CACNA2D2: variants seen among roughly 807,000 people sequenced by gnomAD.
CACNA2D2 encodes the protein voltage-dependent calcium channel subunit alpha-2/delta-2.
In CACNA2D2, 48 loss-of-function variants were observed where a neutral mutation model predicts 166.4. The observed-to-expected ratio is 0.29, with a 90% CI of 0.23 to 0.37. The LOEUF is 0.37. Among genes scored for constraint, CACNA2D2 ranks in the 10% least tolerant of loss-of-function variants. CACNA2D2 has a pLI of 1.00. For synonymous variants in CACNA2D2, 561 were observed against 573.7 expected (o/e 0.98, Z 0.32); for missense variants, 1,122 against 1,433.0 (o/e 0.78, Z 3.50).
At chr3:50,387,641 A>G in intron 4 of CACNA2D2, 29 bp from the exon 5 acceptor site, 1 of 1,591,390 alleles carries the variant, frequency 6.3e-7, no homozygotes, top group Non-Finnish European at 8.6e-7. Flanking sequence ...CCTCAGCACT[A>G]GCTGCTCAGG....
chr3:50,420,515 TTGGGCCACATA>T (rs1440683271), intron 3 of CACNA2D2, among the ~76,000 whole-genome samples: 1 of 150,986 alleles, frequency 6.6e-6, no homozygotes, highest in Non-Finnish European at 1.5e-5. Flanking sequence ...GGGCCAAGGC[TTGGGCCACATA>T]TGACCCACTG....
chr3:50,378,264 G>C lies in CACNA2D2; in HGVS notation c.1389+20C>G, dbSNP rs1361443669. ...GCAGGGAAGCCAGGGGCTGGGAGGAGGGGCCTCCCCAAGTCTCACCTGTGT... is the reference window on the plus strand; with the variant it reads ...GCAGGGAAGCCAGGGGCTGGGAGGACGGGCCTCCCCAAGTCTCACCTGTGT... On this transcript the variant is annotated intron_variant, in intron 14 of 37. Transcript: ENST00000424201. The C allele has an allele frequency of 6.4e-7, 1 of 1,554,292 alleles. No individual in the cohort carries two copies. Among genetic ancestry groups the C allele is most frequent in the Non-Finnish European group, 8.7e-7 (1 of 1,148,594 alleles).
chr3:50,383,605 G>A lies in CACNA2D2; in HGVS notation c.652+591C>T, dbSNP rs587655682. On this transcript the variant is annotated intron_variant, in intron 6 of 37. Coordinates refer to ENST00000424201, the MANE Select transcript of CACNA2D2 (RefSeq NM_006030.4). ...CATTGTGTAAAGCTGCCTTGTCCCT[G>A]AAGCTTGGACTGTCAACCACCCTCT... 3.3e-5 allele frequency among the ~76,000 whole-genome samples: 5 copies of A among 152,262 alleles called. No individual in the cohort carries two copies. In the South Asian group the frequency reaches 1.0e-3, roughly 32 times the overall value.
chr3:50,382,202 G>T (rs1437516306), intron 6 of CACNA2D2, among the ~76,000 whole-genome samples: 4 of 152,242 alleles, frequency 2.6e-5, no homozygotes, highest in African/African-American at 9.6e-5. Flanking sequence ...AAAACGGCAG[G>T]AGTGGGACAC....
At chr3:50,493,230 G>A (rs1221424548) in intron 1 of CACNA2D2, among the ~76,000 whole-genome samples, 1 of 152,130 alleles carries the variant, frequency 6.6e-6, no homozygotes, top group Non-Finnish European at 1.5e-5. Context: ...TCCAGCCCAA[G>A]GTGACCCCAT....
chr3:50,480,664 G>A (rs1011430789), intron 1 of CACNA2D2, among the ~76,000 whole-genome samples: 3 of 150,730 alleles, frequency 2.0e-5, no homozygotes, highest in South Asian at 2.1e-4. Context: ...TCATCTGTGC[G>A]TGGGGTGAGA....
intron 14 of CACNA2D2, 71 bp from the exon 15 acceptor site, chr3:50,378,168 T>G: frequency 1.3e-6 from 2 of 1,580,688 alleles, no homozygotes; most frequent in South Asian, 2.2e-5. Flanking sequence ...TCGCCAGGCA[T>G]TGGGATTGTG....
intron 3 of CACNA2D2, among the ~76,000 whole-genome samples, chr3:50,397,479 G>A (rs1340564771): frequency 2.0e-5 from 3 of 152,130 alleles, no homozygotes; most frequent in African/African-American, 7.2e-5. Flanking sequence ...TGTGCATGAG[G>A]GGCCCTGAGC....
At chr3:50,387,474 G>A in intron 5 of CACNA2D2, 94 bp downstream of exon 5, 1 of 1,053,790 alleles carries the variant, frequency 9.5e-7, no homozygotes, top group Middle Eastern at 2.0e-4. Flanking sequence ...GCAGGGTTGA[G>A]CTCAGAATGT....
intron 3 of CACNA2D2, among the ~76,000 whole-genome samples, chr3:50,421,703 C>T (rs1033608859): frequency 4.6e-5 from 7 of 152,126 alleles, no homozygotes; most frequent in South Asian, 2.1e-4. Context: ...AGCAGGGCCA[C>T]GAGGCCTCCA....
At chr3:50,386,170 C>T (rs587708850) in intron 5 of CACNA2D2, among the ~76,000 whole-genome samples, 17 of 152,302 alleles carry the variant, frequency 1.1e-4, no homozygotes, top group African/African-American at 3.6e-4. Context: ...GCTCTCTTTT[C>T]GGGCAATCTC....
At chr3:50,446,816 C>G (rs1708869398) in intron 2 of CACNA2D2, among the ~76,000 whole-genome samples, 1 of 152,166 alleles carries the variant, frequency 6.6e-6, no homozygotes, top group Non-Finnish European at 1.5e-5. Context: ...GGAGGGAGAG[C>G]CAAGGACAGT....
intron 3 of CACNA2D2, among the ~76,000 whole-genome samples, chr3:50,424,308 C>A (rs1340785110): frequency 1.3e-5 from 2 of 152,132 alleles, no homozygotes; most frequent in African/African-American, 4.8e-5. Context: ...GGGATGTGGT[C>A]CCTGGATGGG....
intron 2 of CACNA2D2, among the ~76,000 whole-genome samples, chr3:50,436,149 T>G (rs1164240036): frequency 2.7e-5 from 4 of 146,210 alleles, no homozygotes; most frequent in African/African-American, 5.1e-5. Flanking sequence ...CCCCATCAGC[T>G]TTCACCCATC....
intron 3 of CACNA2D2, among the ~76,000 whole-genome samples, chr3:50,403,208 G>A (rs1706534112): frequency 6.6e-6 from 1 of 152,124 alleles, no homozygotes. Context: ...GTGAGGATGT[G>A]GATGGAGAGC....
chr3:50,367,295 T>C lies in CACNA2D2; in HGVS notation c.2401+99A>G. On this transcript the variant is annotated intron_variant, in intron 27 of 37. Transcript: ENST00000424201. The surrounding 1 kb of genome is among the most constrained non-coding windows in gnomAD (Gnocchi z 6.5). Reference sequence around the variant, plus strand: ...TGCCCTGGCCTCAGCCAGCCTTGTGTTGGAGAGGGGCCTCAGACAGCAGAG... The same window carrying C: ...TGCCCTGGCCTCAGCCAGCCTTGTGCTGGAGAGGGGCCTCAGACAGCAGAG... 1 of 1,192,186 alleles carries C rather than the reference T, an allele frequency of 8.4e-7. No individual in the cohort carries two copies. The highest frequency in any genetic ancestry group is 1.3e-5 in the South Asian group (1 of 79,056). 73.9% of individuals were successfully genotyped at this position (1,192,186 alleles called of 1,614,324 possible).
chr3:50,414,962 C>T (rs1056918249), intron 3 of CACNA2D2, among the ~76,000 whole-genome samples: 9 of 152,182 alleles, frequency 5.9e-5, no homozygotes, highest in African/African-American at 1.9e-4. Flanking sequence ...TTGTAAGTGA[C>T]GCATGGCTTC....
At chr3:50,494,265 G>C (rs986582391) in intron 1 of CACNA2D2, among the ~76,000 whole-genome samples, 6 of 152,214 alleles carry the variant, frequency 3.9e-5, no homozygotes, top group African/African-American at 1.2e-4. Flanking sequence ...GGCGGGGGTG[G>C]GTTGTTTAGT....
In CACNA2D2 at chr3:50,367,632, G is replaced by A. The variant is rs1704400551; in HGVS notation, c.2297+10C>T. The stretch of plus-strand genomic sequence containing the variant: ...GGGGCAGGGTTTGGGTAGTGGGATA[G>A]GTCACTTACTTGTTGGGGAAGACTC... On this transcript the variant is annotated intron_variant, in intron 26 of 37. Transcript: ENST00000424201. The surrounding 1 kb of genome is among the most constrained non-coding windows in gnomAD (Gnocchi z 6.5). 6.2e-7 allele frequency: 1 copy of A among 1,611,436 alleles called. No individual in the cohort carries two copies. Among genetic ancestry groups the A allele is most frequent in the Non-Finnish European group, 8.5e-7 (1 of 1,178,084 alleles).
Sources: allele counts gnomAD v4.1 joint callset (sites outside exome capture counted in the v4.1 genomes callset), GRCh38; gene constraint gnomAD v4.1.1; non-coding constraint Gnocchi (gnomAD v3.1); transcripts MANE v1.5; gene names NCBI Gene and HGNC (gene_info 2026-07-23, HGNC 2026-07-21).